Variants in ITGA2 observed in about 807,000 individuals in gnomAD.
ITGA2 encodes the protein integrin alpha-2.
ITGA2 carries 101 observed loss-of-function variants against 146.3 expected under a neutral mutation model. The observed-to-expected ratio is 0.69, with a 90% CI of 0.59 to 0.81. The LOEUF (loss-of-function observed/expected upper bound fraction) is 0.81, where lower values mean the gene tolerates loss of function less well. ITGA2 is among the 40% of genes least tolerant of loss of function. The probability of loss-of-function intolerance (pLI) is 0.00; values close to 1 mark genes in which losing one functional copy is unlikely to be tolerated. For missense variants in ITGA2, 1,281 were observed against 1,402.7 expected, an observed-to-expected ratio of 0.91 and a Z score of 1.39; for synonymous variants, 477 against 487.1, an observed-to-expected ratio of 0.98 and a Z score of 0.27.
chr5:53,036,608 G>A (rs1245024644), intron 2 of ITGA2, among the ~76,000 whole-genome samples: 2 of 152,036 alleles, frequency 1.3e-5, no homozygotes, highest in Non-Finnish European at 2.9e-5. Context: ...TTCCGATGAA[G>A]ATTATACTGC....
intron 21 of ITGA2, 51 bp downstream of exon 21, chr5:53,074,528 A>G: frequency 7.5e-7 from 1 of 1,329,028 alleles, no homozygotes; most frequent in African/African-American, 1.4e-5. Flanking sequence ...CTTAGCACAT[A>G]TGCTAATTTA....
chr5:53,006,255 G>A (rs1741844493), intron 1 of ITGA2, among the ~76,000 whole-genome samples: 2 of 152,180 alleles, frequency 1.3e-5, no homozygotes, highest in African/African-American at 4.8e-5. Context: ...TTTAAAAATG[G>A]TGTACATCTC....
intron 26 of ITGA2, 21 bp from the exon 27 acceptor site, chr5:53,083,319 C>A: frequency 1.4e-6 from 2 of 1,450,382 alleles, no homozygotes; most frequent in Non-Finnish European, 1.9e-6. Flanking sequence ...CTCTCTTTTA[C>A]CTTTGACTCA....
At chr5:53,007,857 C>T (rs1741934044) in intron 1 of ITGA2, among the ~76,000 whole-genome samples, 1 of 152,144 alleles carries the variant, frequency 6.6e-6, no homozygotes, top group African/African-American at 2.4e-5. Flanking sequence ...ATGATCTAAA[C>T]ACATGCCACA....
chr5:52,989,814 G>T (rs199657229), intron 1 of ITGA2, among the ~76,000 whole-genome samples: 1 of 145,868 alleles, frequency 6.9e-6, no homozygotes, highest in African/African-American at 2.5e-5. Flanking sequence ...GTACACACAC[G>T]CACACACACA....
rs1202343449 is a variant in ITGA2 at position 53,091,452 on chromosome 5, C to G, written c.*853C>G. 1 of 152,134 alleles carries G rather than the reference C, an allele frequency of 6.6e-6. No homozygotes were observed. The allele number at this position is 152,134 out of a possible 1,614,324, so 9.4% of individuals were successfully genotyped here. Reference sequence around the variant, plus strand: ...TTTTAGGAGGCACAACAGTTCTCTTCTAGGATTTGTTTGGCTGACTGGCAG... The same window carrying G: ...TTTTAGGAGGCACAACAGTTCTCTTGTAGGATTTGTTTGGCTGACTGGCAG... On this transcript the variant is annotated 3_prime_UTR_variant, in exon 30 of 30. Coordinates refer to ENST00000296585, the MANE Select transcript of ITGA2 (RefSeq NM_002203.4).
chr5:53,081,570 A>T, intron 25 of ITGA2, 22 bp from the exon 26 acceptor site: 1 of 1,556,182 alleles, frequency 6.4e-7, no homozygotes, highest in East Asian at 2.3e-5. Flanking sequence ...CTGAAGTCTG[A>T]TCGGGTGTTC....
At chr5:53,055,401 A>G (rs1744580293) in intron 7 of ITGA2, 137 bp from the exon 8 acceptor site, 1 of 745,936 alleles carries the variant, frequency 1.3e-6, no homozygotes, top group Non-Finnish European at 2.3e-6. Flanking sequence ...AACATTAAAT[A>G]TGTCCTCAGA....
rs1744214847 is a variant in ITGA2 at position 53,048,788 on chromosome 5, G to A, written c.630+18G>A. 3 of 1,612,744 alleles carry A rather than the reference G, an allele frequency of 1.9e-6. No homozygotes were observed. In the African/African-American group the frequency reaches 4.0e-5, roughly 22 times the overall value. On this transcript the variant is annotated intron_variant, in intron 6 of 29. Coordinates refer to ENST00000296585, the MANE Select transcript of ITGA2 (RefSeq NM_002203.4). ...AGACACAGGTATGGCTAACAGAAAT[G>A]CATAACTAACTTATGGCTTTCTTTC...
intron 12 of ITGA2, among the ~76,000 whole-genome samples, chr5:53,062,254 G>A (rs1319651614): frequency 2.0e-5 from 3 of 151,862 alleles, no homozygotes; most frequent in African/African-American, 7.2e-5. Context: ...CAATTTGAAT[G>A]ATATTTTAAC....
At chr5:53,043,530 G>A (rs1457930689) in intron 3 of ITGA2, among the ~76,000 whole-genome samples, 1 of 152,028 alleles carries the variant, frequency 6.6e-6, no homozygotes, top group Non-Finnish European at 1.5e-5. Context: ...AGTGTTATGG[G>A]GAGAAAATAG....
intron 1 of ITGA2, among the ~76,000 whole-genome samples, chr5:53,006,601 T>G (rs1741865629): frequency 6.6e-6 from 1 of 151,870 alleles, no homozygotes; most frequent in South Asian, 2.1e-4. Context: ...ATTCAGTAAT[T>G]ATTATTGAAC....
chr5:53,072,140 T>G, intron 18 of ITGA2, 92 bp downstream of exon 18: 1 of 883,484 alleles, frequency 1.1e-6, no homozygotes, highest in Non-Finnish European at 1.9e-6. Context: ...GGATGCAGCC[T>G]GAAAATTCTT....
chr5:53,021,700 T>A (rs1373458251), intron 1 of ITGA2, among the ~76,000 whole-genome samples: 1 of 152,224 alleles, frequency 6.6e-6, no homozygotes, highest in African/African-American at 2.4e-5. Context: ...GTAATGACAC[T>A]CTGTGCTCAC....
At chr5:53,079,608 T>C (rs1164165271) in intron 24 of ITGA2, among the ~76,000 whole-genome samples, 1 of 152,146 alleles carries the variant, frequency 6.6e-6, no homozygotes, top group East Asian at 1.9e-4. Flanking sequence ...CATTTCTCAC[T>C]TGTTTGTTAC....
chr5:53,079,653 A>G (rs1745821689), intron 24 of ITGA2, among the ~76,000 whole-genome samples: 1 of 152,116 alleles, frequency 6.6e-6, no homozygotes, highest in Non-Finnish European at 1.5e-5. Context: ...GATAAAAAAA[A>G]TCTTTAGAAG....
intron 1 of ITGA2, chr5:52,990,381 G>T (rs1740881626): frequency 6.6e-6 from 1 of 152,312 alleles, no homozygotes. Context: ...TAAGGCTGGG[G>T]TGGAGAGCTT....
rs1253173836 is a variant in ITGA2, at chr5:53,072,660, T to A, written c.2394T>A (p.Asp798Glu). 1.2e-6 allele frequency: 2 copies of A among 1,611,062 alleles called. No homozygotes were observed. Among genetic ancestry groups the A allele is most frequent in the African/African-American group, 1.3e-5 (1 of 74,678 alleles). ...GTGAGGACGGACTTTGCATTTCTGA[T>A]CTAGTCCTAGATGTCCGACAAATAC... ...DCGEDGLCISDLVLDVRQIPA... is the reference protein window; with the variant it reads ...DCGEDGLCISELVLDVRQIPA... The change falls in exon 19 of 30, where the codon GAT becomes GAA. Residue 798 changes from aspartate (D) to glutamate (E), a missense_variant. Physicochemically the swap from Asp to Glu is conservative, Grantham distance 45. Transcript: ENST00000296585.
At chr5:53,034,096 C>A (rs1743372219) in intron 2 of ITGA2, among the ~76,000 whole-genome samples, 1 of 151,924 alleles carries the variant, frequency 6.6e-6, no homozygotes, top group African/African-American at 2.4e-5. Context: ...ATAAATATTC[C>A]TTTTCTTCTT....
Sources: allele counts gnomAD v4.1 joint callset (sites outside exome capture counted in the v4.1 genomes callset), GRCh38; gene constraint gnomAD v4.1.1; transcripts MANE v1.5; gene names NCBI Gene and HGNC (gene_info 2026-07-23, HGNC 2026-07-21).